The following RBFOX1 variants were observed in gnomAD, a reference collection of about 807,000 sequenced individuals.
RBFOX1 encodes the protein RNA binding fox-1 homolog 1, also known as RNA binding protein fox-1 homolog 1.
A neutral mutation model predicts 57.7 loss-of-function variants in RBFOX1; 8 were observed. The observed-to-expected ratio is 0.14, with a 90% CI of 0.08 to 0.25. RBFOX1 has a LOEUF of 0.25. RBFOX1 is among the 10% of genes least tolerant of loss of function. The pLI is 1.00. For synonymous variants in RBFOX1, 326 were observed against 222.4 expected (o/e 1.47, Z -4.15); for missense variants, 611 against 548.5 (o/e 1.11, Z -1.14).
intron 1 of RBFOX1, among the ~76,000 whole-genome samples, chr16:6,186,617 G>A (rs2097106980): frequency 6.6e-6 from 1 of 152,138 alleles, no homozygotes; most frequent in African/African-American, 2.4e-5. Flanking sequence ...GCTTGGTGTG[G>A]ACCATGCCAT....
chr16:5,857,370 T>G (rs2057098432), intron 3 of RBFOX1, among the ~76,000 whole-genome samples: 1 of 152,088 alleles, frequency 6.6e-6, no homozygotes, highest in Non-Finnish European at 1.5e-5. Flanking sequence ...ATTGCAGGTA[T>G]TACCAAAATG....
intron 4 of RBFOX1, chr16:5,867,368 G>C: frequency 8.6e-7 from 1 of 1,159,578 alleles, no homozygotes; most frequent in Non-Finnish European, 1.1e-6. Flanking sequence ...CCCTTTAGAA[G>C]ATAGTTTGAA....
intron 4 of RBFOX1, among the ~76,000 whole-genome samples, chr16:7,075,538 C>G (rs914651717): frequency 3.9e-5 from 6 of 152,162 alleles, no homozygotes; most frequent in Non-Finnish European, 8.8e-5. Flanking sequence ...AAAGCCCACA[C>G]AACTTTGGGT....
At chr16:7,666,851 C>A (rs1421251862) in intron 13 of RBFOX1, among the ~76,000 whole-genome samples, 1 of 152,182 alleles carries the variant, frequency 6.6e-6, no homozygotes, top group Non-Finnish European at 1.5e-5. Flanking sequence ...TTGTCTCTCA[C>A]ACATTCATCA....
At chr16:7,298,727 G>T (rs975181665) in intron 4 of RBFOX1, among the ~76,000 whole-genome samples, 1 of 152,172 alleles carries the variant, frequency 6.6e-6, no homozygotes, top group Admixed American at 6.5e-5. Context: ...CTAAGCTAGG[G>T]TAAAGAAAAT....
chr16:5,631,101 C>G (rs1411251916), intron 3 of RBFOX1, among the ~76,000 whole-genome samples: 9 of 152,166 alleles, frequency 5.9e-5, no homozygotes, highest in African/African-American at 1.9e-4. Context: ...GGTGCTGCAT[C>G]TACATTTGAA....
rs1184657082 is a variant in RBFOX1, at chr16:7,670,329, G to A, written c.930+5361G>A. ...TTACAGGTGTCAGCCACCACGTGTG[G>A]CCAACAGGAAACTTTTTTTTCCAGA... On this transcript the variant is annotated intron_variant, in intron 13 of 15. Coordinates refer to ENST00000550418, the MANE Select transcript of RBFOX1 (RefSeq NM_018723.4). Among the ~76,000 whole-genome samples the A allele has an allele frequency of 2.0e-5, 3 of 152,264 alleles. No individual in the cohort carries two copies. The East Asian group carries it at 5.8e-4, about 29-fold the overall frequency.
intron 3 of RBFOX1, among the ~76,000 whole-genome samples, chr16:6,682,544 AC>A (rs1362031911): frequency 3.9e-5 from 6 of 152,134 alleles, no homozygotes; most frequent in Non-Finnish European, 7.4e-5. Context: ...GGCAAACTGG[AC>A]CGGTGCATGC....
chr16:6,346,190 A>G (rs1020413332), intron 2 of RBFOX1, among the ~76,000 whole-genome samples: 4 of 152,182 alleles, frequency 2.6e-5, no homozygotes, highest in African/African-American at 9.7e-5. Context: ...TCCAACACAT[A>G]TGCAAGTGAA....
chr16:6,957,487 C>T (rs1190780920), intron 3 of RBFOX1, among the ~76,000 whole-genome samples: 3 of 152,234 alleles, frequency 2.0e-5, no homozygotes, highest in African/African-American at 7.2e-5. Flanking sequence ...AACTTCCTGA[C>T]GTTGCCATGG....
intron 4 of RBFOX1, among the ~76,000 whole-genome samples, chr16:5,919,354 T>A (rs2058770888): frequency 6.6e-6 from 1 of 152,196 alleles, no homozygotes; most frequent in South Asian, 2.1e-4. Flanking sequence ...AAATTTTTTT[T>A]ATTTTGAGAC....
At chr16:6,893,397 C>T (rs569138668) in intron 3 of RBFOX1, among the ~76,000 whole-genome samples, 1 of 152,140 alleles carries the variant, frequency 6.6e-6, no homozygotes, top group African/African-American at 2.4e-5. Flanking sequence ...TTTCTTTATC[C>T]CTGTACCATG....
chr16:5,603,401 C>G (rs914901328), downstream of RBFOX1, among the ~76,000 whole-genome samples: 7 of 152,184 alleles, frequency 4.6e-5, no homozygotes, highest in Non-Finnish European at 8.8e-5. Flanking sequence ...AATGGGGAAG[C>G]AGTCTGAAAT....
chr16:6,981,950 C>CT (rs1319054373), intron 3 of RBFOX1, among the ~76,000 whole-genome samples: 2 of 152,108 alleles, frequency 1.3e-5, no homozygotes, highest in Non-Finnish European at 2.9e-5. Context: ...TACAATAGAA[C>CT]TTTTTATTGG....
intron 3 of RBFOX1, among the ~76,000 whole-genome samples, chr16:6,682,665 G>T (rs1291263838): frequency 3.3e-5 from 5 of 151,894 alleles, no homozygotes; most frequent in African/African-American, 1.2e-4. Flanking sequence ...AACCAAAAAT[G>T]ACTCTAGATG....
intron 1 of RBFOX1, among the ~76,000 whole-genome samples, chr16:5,322,575 G>A (rs1016839384): frequency 6.6e-6 from 1 of 152,198 alleles, no homozygotes; most frequent in Non-Finnish European, 1.5e-5. Context: ...TGATGTAGGT[G>A]TGAGAATCCT....
At chr16:5,258,343 C>T (rs997355255) in intron 1 of RBFOX1, among the ~76,000 whole-genome samples, 2 of 152,088 alleles carry the variant, frequency 1.3e-5, no homozygotes, top group Non-Finnish European at 2.9e-5. Context: ...AAATAGTTTA[C>T]AGTAGTTATG....
chr16:6,762,420 C>T (rs1324585721), intron 3 of RBFOX1, among the ~76,000 whole-genome samples: 2 of 152,014 alleles, frequency 1.3e-5, no homozygotes, highest in Non-Finnish European at 2.9e-5. Context: ...ATTGAACATA[C>T]CACCACCGAC....
chr16:6,597,530 A>T (rs2097788763), intron 2 of RBFOX1, among the ~76,000 whole-genome samples: 1 of 152,046 alleles, frequency 6.6e-6, no homozygotes, highest in Non-Finnish European at 1.5e-5. Flanking sequence ...AAAATTAGCC[A>T]GGCGTGGTTG....
Sources: gnomAD v4.1 joint callset for allele counts (sites outside exome capture counted in the v4.1 genomes callset) on GRCh38, gnomAD v4.1.1 for gene constraint, MANE v1.5 for transcripts, NCBI Gene and HGNC (gene_info 2026-07-23, HGNC 2026-07-21) for gene names.